FAM120B: variants seen among roughly 807,000 people sequenced by gnomAD.
The protein encoded by FAM120B is family with sequence similarity 120 member B.
Under a neutral mutation model 96.3 loss-of-function variants are expected in FAM120B, and 83 were observed. The observed-to-expected ratio is 0.86, with a 90% CI of 0.72 to 1.03. The LOEUF (loss-of-function observed/expected upper bound fraction) is 1.03, where lower values mean the gene tolerates loss of function less well. FAM120B is among the 50% of genes least tolerant of loss of function. FAM120B has a pLI of 0.00. For synonymous variants in FAM120B, 407 were observed against 402.7 expected (o/e 1.01, Z -0.13); for missense variants, 1,027 against 1,121.2 (o/e 0.92, Z 1.20).
At chr6:170,393,148 C>CAAAAA (rs66472378) in intron 8 of FAM120B, among the ~76,000 whole-genome samples, 1 of 119,738 alleles carries the variant, frequency 8.4e-6, no homozygotes, top group Non-Finnish European at 1.6e-5. Flanking sequence ...CCTGTCTTTA[C>CAAAAA]AAAAAAAAAA....
chr6:170,301,651 C>T (rs1784144613), intron 1 of FAM120B, among the ~76,000 whole-genome samples: 1 of 152,126 alleles, frequency 6.6e-6, no homozygotes, highest in South Asian at 2.1e-4. Flanking sequence ...TTTCTTCCAC[C>T]AGATACCCTA....
At chr6:170,338,630 T>A (rs538758140) in intron 4 of FAM120B, among the ~76,000 whole-genome samples, 1 of 152,152 alleles carries the variant, frequency 6.6e-6, no homozygotes, top group Non-Finnish European at 1.5e-5. Context: ...TGTTAAAGTC[T>A]CCCACTATTA....
intron 6 of FAM120B, among the ~76,000 whole-genome samples, chr6:170,375,162 A>G (rs1173015122): frequency 6.6e-6 from 1 of 152,252 alleles, no homozygotes; most frequent in East Asian, 1.9e-4. Context: ...CATATGAAGT[A>G]GGTCCAATCT....
At chr6:170,329,459 C>T (rs1394199260) in intron 3 of FAM120B, among the ~76,000 whole-genome samples, 2 of 152,168 alleles carry the variant, frequency 1.3e-5, no homozygotes, top group African/African-American at 4.8e-5. Flanking sequence ...CTTTCACAAA[C>T]GACCACCCCC....
In FAM120B at chr6:170,363,457, C is replaced by T. The variant is rs2115213453; in HGVS notation, c.2283+5139C>T. On this transcript the variant is annotated intron_variant, in intron 6 of 10. Transcript: ENST00000476287. The surrounding 1 kb of genome is among the most constrained non-coding windows in gnomAD (Gnocchi z 4.5). ...CAGCAGCATCGTCCTCTGCCTTGTACAGCACAGCTTGGCCTGGGGCCTGCT... is the reference window on the plus strand; with the variant it reads ...CAGCAGCATCGTCCTCTGCCTTGTATAGCACAGCTTGGCCTGGGGCCTGCT... 6.6e-6 allele frequency among the ~76,000 whole-genome samples: 1 copy of T among 152,382 alleles called. No individual in the cohort carries two copies. The highest frequency in any genetic ancestry group is 2.1e-4 in the South Asian group (1 of 4,830).
rs1363173762 is a variant in FAM120B, at chr6:170,309,787, T to G, written c.-22+2945T>G. The stretch of plus-strand genomic sequence containing the variant: ...GAGGAGTTTTCTGGCTAGATTAGGT[T>G]TTTGCCCATTAAGCACCAAAATATC... On this transcript the variant is annotated intron_variant, in intron 1 of 10. Coordinates refer to ENST00000476287, the MANE Select transcript of FAM120B (RefSeq NM_032448.3). Among the ~76,000 whole-genome samples the G allele has an allele frequency of 3.9e-5, 6 of 152,348 alleles. No individual in the cohort carries two copies. In the East Asian group the frequency reaches 1.2e-3, roughly 29 times the overall value.
chr6:170,301,080 T>C (rs1032825494), intron 1 of FAM120B, among the ~76,000 whole-genome samples: 8 of 152,244 alleles, frequency 5.3e-5, no homozygotes, highest in South Asian at 2.1e-4. Context: ...ACATTTCCTT[T>C]CTGCACTGCC....
intron 1 of FAM120B, among the ~76,000 whole-genome samples, chr6:170,310,595 G>GCTGCCTCCCCAAAGTGACTC (rs2114998310): frequency 6.6e-6 from 1 of 152,318 alleles, no homozygotes; most frequent in South Asian, 2.1e-4. Context: ...CACAAAGTTT[G>GCTGCCTCCCCAAAGTGACTC]CTGCCTCCCC....
intron 9 of FAM120B, among the ~76,000 whole-genome samples, chr6:170,397,917 G>A (rs1475682931): frequency 2.6e-5 from 4 of 152,218 alleles, no homozygotes; most frequent in African/African-American, 9.6e-5. Context: ...TGGGCAGGGC[G>A]TGCTGTCATG....
chr6:170,325,155 T>C (rs1040096131), intron 3 of FAM120B, among the ~76,000 whole-genome samples: 1 of 152,230 alleles, frequency 6.6e-6, no homozygotes, highest in African/African-American at 2.4e-5. Context: ...AATCGACCCT[T>C]TTAACAGGAG....
intron 3 of FAM120B, among the ~76,000 whole-genome samples, chr6:170,324,391 A>G (rs986149522): frequency 2.6e-5 from 4 of 152,184 alleles, no homozygotes; most frequent in African/African-American, 9.7e-5. Context: ...TAAAAACAGA[A>G]ATAAAGAACC....
chr6:170,319,980 A>G (rs1335815884), intron 2 of FAM120B, among the ~76,000 whole-genome samples: 1 of 152,206 alleles, frequency 6.6e-6, no homozygotes, highest in Admixed American at 6.5e-5. Flanking sequence ...GGGGGCCACT[A>G]CGTGTGAGGT....
chr6:170,361,378 C>T (rs1788452322), intron 6 of FAM120B, among the ~76,000 whole-genome samples: 1 of 151,108 alleles, frequency 6.6e-6, no homozygotes. Flanking sequence ...CATAAGAATA[C>T]AAGAACCCTT....
rs555838081 is a variant in FAM120B at position 170,358,351 on chromosome 6, G to A, written c.2283+33G>A. The A allele has an allele frequency of 2.1e-5, 30 of 1,438,802 alleles. 1 individual carries two copies. Among genetic ancestry groups the A allele is most frequent in the South Asian group, 1.4e-4 (12 of 84,904 alleles). 89.1% of individuals were successfully genotyped at this position (1,438,802 alleles called of 1,614,324 possible). A position where few individuals can be genotyped will look rare whatever the true frequency, so the allele number is the denominator to read the frequency against. On this transcript the variant is annotated intron_variant, in intron 6 of 10. Coordinates refer to ENST00000476287, the MANE Select transcript of FAM120B (RefSeq NM_032448.3). The stretch of plus-strand genomic sequence containing the variant: ...CGTGACCAGTTAGTTGTCACTGCCC[G>A]GAAGACAGCTGTGCAGTCCAGCCTT...
At position 170,317,276 on chromosome 6, in the gene FAM120B, A is replaced by G. The variant is rs563145315; in HGVS notation, c.-21-94A>G. 1.7e-5 allele frequency: 17 copies of G among 995,406 alleles called. No individual in the cohort carries two copies. The African/African-American group carries it at 1.9e-4, about 11-fold the overall frequency. The allele number at this position is 995,406 out of a possible 1,614,324, so 61.7% of individuals were successfully genotyped here. ...CTTGGAGACAAGAGTGTTTTTGGAAACAGTGTGAATATTAACTACTGTGTT... is the reference window on the plus strand; with the variant it reads ...CTTGGAGACAAGAGTGTTTTTGGAAGCAGTGTGAATATTAACTACTGTGTT... On this transcript the variant is annotated intron_variant, in intron 1 of 10. Coordinates refer to ENST00000476287, the MANE Select transcript of FAM120B (RefSeq NM_032448.3).
intron 1 of FAM120B, among the ~76,000 whole-genome samples, chr6:170,296,486 C>T (rs1784012430): frequency 6.6e-6 from 1 of 151,822 alleles, no homozygotes; most frequent in African/African-American, 2.4e-5. Context: ...GGACCCCAGT[C>T]GCCGTCGTGA....
In FAM120B at chr6:170,318,248, G is replaced by A. The variant is rs745953464; in HGVS notation, c.858G>A (p.Glu286=). The A allele has an allele frequency of 6.8e-5, 110 of 1,613,834 alleles. No individual in the cohort carries two copies. The highest frequency in any genetic ancestry group is 7.4e-5 in the Non-Finnish European group (87 of 1,179,992). ...ATCAAGGTGAGAAAAAATTAGAAGA[G>A]ATATTACCTCTGGGACCAAACAAAG... ...YLYQGEKKLE[E]ILPLGPNKAL... is the part of the protein sequence containing the mutation. The change falls in exon 2 of 11, where the codon GAG becomes GAA. Residue 286 remains glutamate, a synonymous_variant. Transcript: ENST00000476287.
intron 6 of FAM120B, among the ~76,000 whole-genome samples, chr6:170,362,647 G>A (rs952275308): frequency 1.3e-5 from 2 of 151,402 alleles, no homozygotes; most frequent in African/African-American, 4.9e-5. Context: ...TCATCCCAGG[G>A]TGCAATAATA....
intron 3 of FAM120B, among the ~76,000 whole-genome samples, chr6:170,325,511 C>T (rs1487971752): frequency 6.8e-6 from 1 of 147,624 alleles, no homozygotes; most frequent in Admixed American, 6.8e-5. Context: ...TTTATGCACT[C>T]ATTTGGATTA....
Sources: allele counts gnomAD v4.1 joint callset (sites outside exome capture counted in the v4.1 genomes callset), GRCh38; gene constraint gnomAD v4.1.1; non-coding constraint Gnocchi (gnomAD v3.1); transcripts MANE v1.5; gene names NCBI Gene and HGNC (gene_info 2026-07-23, HGNC 2026-07-21).